TUFT1: variants seen among roughly 807,000 people sequenced by gnomAD.
TUFT1 encodes the protein tuftelin 1, also known as tuftelin.
In TUFT1, 43 loss-of-function variants were observed where a neutral mutation model predicts 57.8. That is an observed-to-expected ratio of 0.74 (90% CI 0.58 to 0.96). The LOEUF is 0.96. TUFT1 is among the 40% of genes least tolerant of loss of function. TUFT1 has a pLI of 0.00. For missense variants in TUFT1, 459 were observed against 489.0 expected (o/e 0.94, Z 0.58); for synonymous variants, 166 against 176.7 (o/e 0.94, Z 0.48).
At chr1:151,561,871 G>A in intron 1 of TUFT1, 1 of 1,504,700 alleles carries the variant, frequency 6.6e-7, no homozygotes, top group Non-Finnish European at 8.9e-7. Context: ...TCTTTGTTGT[G>A]AAAGAAAAAA....
At chr1:151,556,929 G>A (rs1188368834) in intron 1 of TUFT1, among the ~76,000 whole-genome samples, 1 of 152,130 alleles carries the variant, frequency 6.6e-6, no homozygotes, top group East Asian at 1.9e-4. Context: ...AGCCGAGATT[G>A]CGTCACTGTA....
intron 3 of TUFT1, 119 bp downstream of exon 3, chr1:151,562,805 C>T (rs1665940057): frequency 1.3e-6 from 1 of 773,930 alleles, no homozygotes; most frequent in East Asian, 2.7e-5. Context: ...GGAACCAGAC[C>T]TGAGCTGCTA....
At position 151,579,732 on chromosome 1, in the gene TUFT1, G is replaced by A. The variant is rs1666584731; in HGVS notation, c.1008G>A (p.Glu336=). 6.2e-7 allele frequency: 1 copy of A among 1,613,270 alleles called. No individual in the cohort carries two copies. Among genetic ancestry groups the A allele is most frequent in the Non-Finnish European group, 8.5e-7 (1 of 1,179,688 alleles). The stretch of plus-strand genomic sequence containing the variant: ...AGAAAATCGCCTATCTGGAGGCAGA[G>A]GTGTGTGTGCTGGGCAGCCCAGCAG... ...LKEKIAYLEA[E]NLEMHDRMEH... Residue 336 remains glutamate (E), a splice_region_variant and synonymous_variant, in exon 11 of 13, where the codon GAG becomes GAA. Coordinates refer to ENST00000368849, the MANE Select transcript of TUFT1 (RefSeq NM_020127.3).
intron 5 of TUFT1, 184 bp from the exon 6 acceptor site, chr1:151,565,979 C>G: frequency 4.1e-6 from 2 of 482,052 alleles, no homozygotes. Context: ...TCTTCCTCTT[C>G]TCCTTTCTTC....
rs933977766 is a variant in TUFT1 at position 151,570,375 on chromosome 1, G to A, written c.594+605G>A. Among the ~76,000 whole-genome samples, 7 of 152,096 alleles carry A rather than the reference G, an allele frequency of 4.6e-5. No individual in the cohort carries two copies. In the East Asian group the frequency reaches 7.7e-4, roughly 17 times the overall value. ...TGGCTCACTGCAACTTCTGCCTCCC[G>A]GATTCAAGCAATTCTCCTGCCTCAG... On this transcript the variant is annotated intron_variant, in intron 7 of 12. Transcript: ENST00000368849.
In TUFT1 at chr1:151,551,151, C is replaced by T. The variant is rs141108872; in HGVS notation, c.60+10725C>T. 4.9e-3 allele frequency among the ~76,000 whole-genome samples: 749 copies of T among 152,284 alleles called. 3 individuals are homozygous for T. Among genetic ancestry groups the T allele is most frequent in the Admixed American group, 0.011 (165 of 15,302 alleles). ...AGCATCTTTCCTATTCCATTAGCCA[C>T]TTGTTATTTCTTTTTAGAGTTGCCT... On this transcript the variant is annotated intron_variant, in intron 1 of 12. Coordinates refer to ENST00000368849, the MANE Select transcript of TUFT1 (RefSeq NM_020127.3).
rs1205156153 is a variant in TUFT1 at position 151,540,417 on chromosome 1, C to T, written c.51C>T (p.Asp17=). 1 of 1,614,034 alleles carries T rather than the reference C, an allele frequency of 6.2e-7. No homozygotes were observed. The highest frequency in any genetic ancestry group is 8.5e-7 in the Non-Finnish European group (1 of 1,180,000). Residue 17 remains aspartate, a synonymous_variant, in exon 1 of 13, where the codon GAC becomes GAT. Transcript: ENST00000368849. The part of the protein sequence containing the change: ...WCTLVDVHPE[D]QAAGSVDILR... ...CCCTGGTGGACGTGCACCCAGAGGA[C>T]CAGGCGGCGGTAAGAAAAAGCGCTC...
intron 1 of TUFT1, among the ~76,000 whole-genome samples, chr1:151,551,732 A>G (rs1665517103): frequency 6.6e-6 from 1 of 152,192 alleles, no homozygotes; most frequent in Non-Finnish European, 1.5e-5. Context: ...GATAGAGTGC[A>G]GGGTACATTG....
At chr1:151,581,337 C>G (rs999407297) in intron 12 of TUFT1, among the ~76,000 whole-genome samples, 2 of 152,114 alleles carry the variant, frequency 1.3e-5, no homozygotes, top group African/African-American at 4.8e-5. Context: ...TATTTTGCCT[C>G]TAAGAGATTC....
At chr1:151,569,831 A>C in intron 7 of TUFT1, 61 bp downstream of exon 7, 1 of 1,330,110 alleles carries the variant, frequency 7.5e-7, no homozygotes, top group Non-Finnish European at 1.1e-6. Flanking sequence ...CACAGGTGCC[A>C]GTGATGTCTC....
At chr1:151,571,592 T>C (rs1032385978) in intron 7 of TUFT1, among the ~76,000 whole-genome samples, 2 of 152,154 alleles carry the variant, frequency 1.3e-5, no homozygotes, top group Admixed American at 6.5e-5. Context: ...TATAATTTAG[T>C]TGGTGATGTA....
intron 7 of TUFT1, among the ~76,000 whole-genome samples, chr1:151,571,602 A>G (rs1666252830): frequency 1.3e-5 from 2 of 152,250 alleles, no homozygotes; most frequent in African/African-American, 4.8e-5. Context: ...TTGGTGATGT[A>G]TCAGTTGGTG....
At chr1:151,560,749 T>C (rs996181289) in intron 1 of TUFT1, among the ~76,000 whole-genome samples, 2 of 152,176 alleles carry the variant, frequency 1.3e-5, no homozygotes, top group Non-Finnish European at 1.5e-5. Context: ...GAGCCTGAGA[T>C]ATACTTGGTC....
intron 9 of TUFT1, among the ~76,000 whole-genome samples, chr1:151,577,027 C>T (rs1046071318): frequency 1.3e-5 from 2 of 152,096 alleles, no homozygotes; most frequent in Non-Finnish European, 2.9e-5. Flanking sequence ...TCCCACCTCG[C>T]CTTCCTAAAG....
At chr1:151,543,843 C>T (rs960608303) in intron 1 of TUFT1, among the ~76,000 whole-genome samples, 3 of 152,118 alleles carry the variant, frequency 2.0e-5, no homozygotes, top group Admixed American at 1.3e-4. Context: ...TCCAAAGACC[C>T]AAGTGTTGTT....
intron 1 of TUFT1, among the ~76,000 whole-genome samples, chr1:151,551,618 C>T (rs1338350586): frequency 3.3e-5 from 5 of 152,024 alleles, no homozygotes; most frequent in South Asian, 2.1e-4. Flanking sequence ...AAGCAACATG[C>T]GCACCTCTGG....
chr1:151,575,786 C>A (rs181505004), intron 9 of TUFT1, among the ~76,000 whole-genome samples: 190 of 152,294 alleles, frequency 1.2e-3, no homozygotes, highest in African/African-American at 4.5e-3. Flanking sequence ...ATCTGAAGGG[C>A]CTTTTAAGGA....
intron 1 of TUFT1, chr1:151,545,824 C>T (rs568274003): frequency 1.9e-6 from 1 of 533,704 alleles, no homozygotes; most frequent in Admixed American, 1.9e-5. Flanking sequence ...AGTCCTGACT[C>T]AGCCAGTACT....
chr1:151,571,094 T>C (rs918084777), intron 7 of TUFT1, among the ~76,000 whole-genome samples: 1 of 152,244 alleles, frequency 6.6e-6, no homozygotes, highest in Non-Finnish European at 1.5e-5. Context: ...CTTTGTGTTA[T>C]AAATATGTTA....
Sources: allele counts gnomAD v4.1 joint callset (sites outside exome capture counted in the v4.1 genomes callset), GRCh38; gene constraint gnomAD v4.1.1; transcripts MANE v1.5; gene names NCBI Gene and HGNC (gene_info 2026-07-23, HGNC 2026-07-21).